SHANK2: variants seen among roughly 807,000 people sequenced by gnomAD.
SHANK2 encodes SH3 and multiple ankyrin repeat domains 2.
A neutral mutation model predicts 133.7 loss-of-function variants in SHANK2; 43 were observed. The observed-to-expected ratio is 0.32, with a 90% CI of 0.25 to 0.41. The LOEUF (loss-of-function observed/expected upper bound fraction) is 0.41. SHANK2 is among the 10% of genes least tolerant of loss of function. The pLI, the probability that SHANK2 is intolerant of heterozygous loss-of-function variation, is 1.00. For missense variants in SHANK2, 1,994 were observed against 2,235.8 expected, an observed-to-expected ratio of 0.89 and a Z score of 2.18; for synonymous variants, 1,017 against 952.8, an observed-to-expected ratio of 1.07 and a Z score of -1.24.
intron 14 of SHANK2, among the ~76,000 whole-genome samples, chr11:70,720,556 G>A (rs1314137971): frequency 6.6e-6 from 1 of 152,220 alleles, no homozygotes; most frequent in African/African-American, 2.4e-5. Context: ...CCACTCATCC[G>A]TCACACCCCC....
At chr11:70,850,558 C>T (rs1949070127) in intron 11 of SHANK2, among the ~76,000 whole-genome samples, 1 of 152,216 alleles carries the variant, frequency 6.6e-6, no homozygotes, top group Non-Finnish European at 1.5e-5. Flanking sequence ...AGCCTCCCCT[C>T]TGCCAAGAGC....
chr11:70,854,706 G>A (rs939165855), intron 11 of SHANK2, among the ~76,000 whole-genome samples: 3 of 152,220 alleles, frequency 2.0e-5, no homozygotes, highest in Non-Finnish European at 4.4e-5. Flanking sequence ...ATGAAGGCCA[G>A]TGAAATGTCC....
At chr11:70,903,657 C>T (rs1005816456) in intron 10 of SHANK2, among the ~76,000 whole-genome samples, 1 of 152,166 alleles carries the variant, frequency 6.6e-6, no homozygotes, top group Non-Finnish European at 1.5e-5. Flanking sequence ...GAGGTTGGTT[C>T]AGACCCCTGC....
intron 17 of SHANK2, among the ~76,000 whole-genome samples, chr11:70,581,646 G>A (rs142985203): frequency 0.023 from 3,516 of 152,314 alleles, 62 homozygotes; most frequent in Non-Finnish European, 0.032. Context: ...AGCTGAGATC[G>A]TGCCACTGCA....
intron 12 of SHANK2, among the ~76,000 whole-genome samples, chr11:70,815,927 A>G (rs1948383717): frequency 6.6e-6 from 1 of 152,226 alleles, no homozygotes; most frequent in African/African-American, 2.4e-5. Flanking sequence ...GGACCTGGCC[A>G]GTCGCCTCCC....
chr11:70,665,233 A>G (rs1944657093), intron 15 of SHANK2, among the ~76,000 whole-genome samples: 1 of 152,144 alleles, frequency 6.6e-6, no homozygotes, highest in Admixed American at 6.5e-5. Context: ...TTTGAACCCC[A>G]GGCAGTACGT....
intron 14 of SHANK2, among the ~76,000 whole-genome samples, chr11:70,707,141 ATGGG>A (rs1393877204): frequency 4.6e-5 from 7 of 151,868 alleles, no homozygotes; most frequent in African/African-American, 7.3e-5. Flanking sequence ...GGAGGCTGAG[ATGGG>A]TGGATCACCT....
intron 10 of SHANK2, among the ~76,000 whole-genome samples, chr11:70,938,972 C>G (rs1950607380): frequency 6.6e-6 from 1 of 152,080 alleles, no homozygotes; most frequent in Admixed American, 6.6e-5. Flanking sequence ...GGGAGAGAAG[C>G]TGGTGGCTAA....
chr11:70,572,442 G>T (rs1284647497), intron 17 of SHANK2, among the ~76,000 whole-genome samples: 1 of 152,166 alleles, frequency 6.6e-6, no homozygotes, highest in African/African-American at 2.4e-5. Flanking sequence ...TTACAGCCGT[G>T]AGCCACCATG....
intron 8 of SHANK2, among the ~76,000 whole-genome samples, chr11:71,080,169 A>C (rs1951278794): frequency 6.6e-6 from 1 of 152,054 alleles, no homozygotes; most frequent in Non-Finnish European, 1.5e-5. Context: ...ACTGCCCTTG[A>C]CACCTGCACC....
chr11:70,582,668 C>T (rs966194963), intron 17 of SHANK2, among the ~76,000 whole-genome samples: 4 of 152,192 alleles, frequency 2.6e-5, no homozygotes, highest in Non-Finnish European at 4.4e-5. Flanking sequence ...GTCTCACTTC[C>T]GATGCTGTCG....
intron 17 of SHANK2, among the ~76,000 whole-genome samples, chr11:70,565,066 C>T (rs544944585): frequency 3.3e-5 from 5 of 152,268 alleles, no homozygotes; most frequent in South Asian, 2.1e-4. Context: ...CTCTTCCTTA[C>T]GGGCTGTATT....
intron 3 of SHANK2, among the ~76,000 whole-genome samples, chr11:71,128,973 C>G (rs1296300382): frequency 6.6e-6 from 1 of 152,154 alleles, no homozygotes; most frequent in African/African-American, 2.4e-5. Flanking sequence ...TTAGTAGAGA[C>G]AGGGTTTCGC....
At chr11:71,068,157 C>T (rs1951092662) in intron 9 of SHANK2, among the ~76,000 whole-genome samples, 1 of 152,234 alleles carries the variant, frequency 6.6e-6, no homozygotes, top group Non-Finnish European at 1.5e-5. Context: ...TCATTACCAT[C>T]AGCACTGCCA....
intron 17 of SHANK2, among the ~76,000 whole-genome samples, chr11:70,650,498 T>C (rs1555009831): frequency 6.6e-6 from 1 of 152,084 alleles, no homozygotes; most frequent in African/African-American, 2.4e-5. Flanking sequence ...AGAGAGACCA[T>C]GCCACACAAG....
chr11:70,814,238 C>T (rs898416264), intron 12 of SHANK2, among the ~76,000 whole-genome samples: 22 of 151,958 alleles, frequency 1.4e-4, no homozygotes, highest in Admixed American at 3.9e-4. Context: ...GCAGGAGAAT[C>T]GCTTGAACCT....
At chr11:70,862,839 GAC>G (rs1949283239) in intron 11 of SHANK2, 1 of 276,356 alleles carries the variant, frequency 3.6e-6, no homozygotes, top group South Asian at 3.4e-5. Context: ...TGGGCAGCAG[GAC>G]ACAGTCTAGA....
intron 3 of SHANK2, among the ~76,000 whole-genome samples, chr11:71,123,050 G>C (rs566927859): frequency 6.6e-6 from 1 of 152,236 alleles, no homozygotes; most frequent in South Asian, 2.1e-4. Context: ...CAGCTCCCAG[G>C]GAGCTCCCCT....
At chr11:71,154,873 AGAG>A (rs1260519096) in intron 2 of SHANK2, among the ~76,000 whole-genome samples, 1 of 89,492 alleles carries the variant, frequency 1.1e-5, no homozygotes, top group Non-Finnish European at 2.1e-5. Context: ...CCACGCTCCC[AGAG>A]GAGGGATGGA....
Sources: gnomAD v4.1 joint callset for allele counts (sites outside exome capture counted in the v4.1 genomes callset) on GRCh38, gnomAD v4.1.1 for gene constraint, MANE v1.5 for transcripts, NCBI Gene and HGNC (gene_info 2026-07-23, HGNC 2026-07-21) for gene names.